Variants in DNAH12 observed in about 807,000 individuals in gnomAD.
DNAH12 encodes axonemal beta dynein heavy chain 12.
In DNAH12, 285 loss-of-function variants were observed where a neutral mutation model predicts 371.5. The ratio of observed to expected loss-of-function variants is 0.77; its 90% CI spans 0.70 to 0.85. DNAH12 has a LOEUF of 0.85. Ranked by LOEUF, DNAH12 falls within the 40% of genes least tolerant of loss-of-function variation. The probability of loss-of-function intolerance (pLI) is 0.00; values close to 1 mark genes in which losing one functional copy is unlikely to be tolerated. For synonymous variants in DNAH12, 1,200 were observed against 1,213.0 expected, an observed-to-expected ratio of 0.99 and a Z score of 0.22; for missense variants, 3,611 against 3,689.4, an observed-to-expected ratio of 0.98 and a Z score of 0.55.
Position 57,310,792 on chromosome 3 carries a change from A to G in DNAH12, c.10821T>C (p.His3607=). 1 of 1,551,660 alleles carries G rather than the reference A, an allele frequency of 6.4e-7. No individual in the cohort carries two copies. The highest frequency in any genetic ancestry group is 8.7e-7 in the Non-Finnish European group (1 of 1,146,978). The change falls in exon 67 of 74, where the codon CAT becomes CAC. Residue 3607 remains histidine (H), a synonymous_variant. Transcript: ENST00000495027. ...AGTTTCCACTGGGAGAAAACTTATA[A>G]TGAGGGTTTTCAACTATGTACAGAT... The part of the protein sequence containing the change: ...FYNLYIVENP[H]YKFSPSGNYF...
At chr3:57,313,609 T>C (rs2061625152) in intron 66 of DNAH12, among the ~76,000 whole-genome samples, 1 of 152,134 alleles carries the variant, frequency 6.6e-6, no homozygotes, top group African/African-American at 2.4e-5. Flanking sequence ...GCAGAGATCA[T>C]GCCACTGCAC....
rs756139735 is a variant in DNAH12 at position 57,502,405 on chromosome 3, G to A, written c.1161C>T (p.His387=). 2.1e-5 allele frequency: 34 copies of A among 1,614,042 alleles called. No individual in the cohort carries two copies. Among genetic ancestry groups the A allele is most frequent in the Non-Finnish European group, 2.6e-5 (31 of 1,180,030 alleles). The change falls in exon 10 of 74, where the codon CAC becomes CAT. Residue 387 remains histidine (H), a synonymous_variant. Coordinates refer to ENST00000495027, the MANE Select transcript of DNAH12 (RefSeq NM_001366028.2). The part of the protein sequence containing the change: ...PVNLDTELPE[H]VLHWAVDTLK... ...GTGTATCAACAGCCCAGTGTAACAC[G>A]TGTTCAGGAAGTTCTGTGTCAAGAT...
intron 70 of DNAH12, chr3:57,297,446 C>A: frequency 6.4e-6 from 1 of 156,902 alleles, no homozygotes; most frequent in Non-Finnish European, 1.4e-5. Context: ...GCCTCTGCCT[C>A]CTGGGTTCGA....
At chr3:57,448,082 T>G (rs1244973189) in intron 25 of DNAH12, among the ~76,000 whole-genome samples, 1 of 152,228 alleles carries the variant, frequency 6.6e-6, no homozygotes, top group African/African-American at 2.4e-5. Flanking sequence ...TTCACAAACA[T>G]GTTCCCTTTA....
intron 4 of DNAH12, among the ~76,000 whole-genome samples, chr3:57,522,119 G>A (rs925795711): frequency 2.0e-5 from 3 of 152,094 alleles, no homozygotes; most frequent in African/African-American, 7.2e-5. Context: ...AGCTACTCAG[G>A]AGGCTGAGGC....
intron 8 of DNAH12, among the ~76,000 whole-genome samples, chr3:57,506,656 G>A (rs1366739106): frequency 3.3e-5 from 5 of 152,062 alleles, no homozygotes; most frequent in Non-Finnish European, 7.4e-5. Flanking sequence ...TGGCCAGGCT[G>A]GTCTTGAACT....
chr3:57,426,828 G>GAAAAAAAAAA (rs559705189), intron 34 of DNAH12, among the ~76,000 whole-genome samples: 1 of 92,962 alleles, frequency 1.1e-5, no homozygotes, highest in Non-Finnish European at 2.2e-5. Context: ...GACTGTCTCA[G>GAAAAAAAAAA]AAAAAAAAAA....
intron 67 of DNAH12, 151 bp downstream of exon 67, chr3:57,310,566 C>G: frequency 1.5e-6 from 1 of 667,856 alleles, no homozygotes; most frequent in East Asian, 2.8e-5. Flanking sequence ...TCAAACTTTT[C>G]TAATTTTCAG....
rs938413749 is a variant in DNAH12, at chr3:57,381,701, A to G, written c.7992+561T>C. Among the ~76,000 whole-genome samples the G allele has an allele frequency of 1.1e-3, 175 of 152,218 alleles. 1 individual carries two copies. The highest frequency in any genetic ancestry group is 1.2e-3 in the Non-Finnish European group (79 of 67,998). On this transcript the variant is annotated intron_variant, in intron 50 of 73. Transcript: ENST00000495027. ...TACAGACATTCTAGCTCCAGGGCAC[A>G]TGCTTTTAACAACTTTGCTATACTG... is the stretch of plus-strand genomic sequence containing the variant.
intron 60 of DNAH12, among the ~76,000 whole-genome samples, chr3:57,342,044 G>T (rs1320833560): frequency 6.6e-6 from 1 of 152,018 alleles, no homozygotes; most frequent in Non-Finnish European, 1.5e-5. Flanking sequence ...AATGGTTCTG[G>T]GGAAAATTGG....
At chr3:57,512,468 CATATACTA>C (rs2068033953) in intron 4 of DNAH12, 1 of 152,148 alleles carries the variant, frequency 6.6e-6, no homozygotes, top group Admixed American at 6.6e-5. Context: ...TTTGGCAGCA[CATATACTA>C]AAATTGGAAT....
intron 32 of DNAH12, 67 bp from the exon 33 acceptor site, chr3:57,429,841 C>G (rs561448070): frequency 2.2e-6 from 3 of 1,339,216 alleles, no homozygotes; most frequent in Admixed American, 3.0e-5. Flanking sequence ...AAAATTTATA[C>G]TATGTATAAA....
chr3:57,404,534 G>A (rs2063966449), intron 42 of DNAH12, among the ~76,000 whole-genome samples: 1 of 151,882 alleles, frequency 6.6e-6, no homozygotes. Context: ...TGGCCAGTAT[G>A]GTGAAACCCC....
intron 60 of DNAH12, among the ~76,000 whole-genome samples, chr3:57,344,093 G>A (rs576855291): frequency 2.0e-5 from 3 of 152,248 alleles, no homozygotes; most frequent in Non-Finnish European, 2.9e-5. Flanking sequence ...GCTGAGTACC[G>A]GTCCCCTGGA....
intron 69 of DNAH12, among the ~76,000 whole-genome samples, chr3:57,306,774 T>C (rs1229520082): frequency 6.6e-6 from 1 of 152,114 alleles, no homozygotes; most frequent in Non-Finnish European, 1.5e-5. Context: ...AATTCCCCCA[T>C]TTTACCTGTC....
At position 57,523,976 on chromosome 3, in the gene DNAH12, A is replaced by C. The variant is rs189912846; in HGVS notation, c.171-92T>G. On this transcript the variant is annotated intron_variant, in intron 2 of 73. Coordinates refer to ENST00000495027, the MANE Select transcript of DNAH12 (RefSeq NM_001366028.2). ...TTTAAGCATTTTTCCAACTATACTAAGAGATATTCAAGAGTTATCTTACTG... is the reference window on the plus strand; with the variant it reads ...TTTAAGCATTTTTCCAACTATACTACGAGATATTCAAGAGTTATCTTACTG... The C allele has an allele frequency of 9.2e-5, 77 of 835,172 alleles. 1 individual carries two copies. In the Admixed American group the frequency reaches 1.6e-3, roughly 18 times the overall value. 51.7% of individuals were successfully genotyped at this position (835,172 alleles called of 1,614,324 possible). A position where few individuals can be genotyped will look rare whatever the true frequency, so the allele number is the denominator to read the frequency against.
Position 57,502,360 on chromosome 3 carries a change from C to T in DNAH12, c.1206G>A (p.Arg402=), listed in dbSNP as rs141849816. 2,324 of 1,614,124 alleles carry T rather than the reference C, an allele frequency of 1.4e-3. 3 individuals carry two copies. Among genetic ancestry groups the T allele is most frequent in the Non-Finnish European group, 1.9e-3 (2,245 of 1,180,016 alleles). The change falls in exon 10 of 74, where the codon CGG becomes CGA. Residue 402 remains arginine, a synonymous_variant. Transcript: ENST00000495027. ...AVDTLKAAVH[R]NLEGARKHYE... ...AATGCTTTCTTGCACCTTCTAAGTT[C>T]CGATGTACTGCTGCCTTCAGTGTAT...
intron 2 of DNAH12, among the ~76,000 whole-genome samples, chr3:57,528,304 A>C (rs2068720049): frequency 6.6e-6 from 1 of 151,808 alleles, no homozygotes; most frequent in South Asian, 2.1e-4. Flanking sequence ...CTGGGATTAC[A>C]GGCGTGAGCC....
At chr3:57,297,815 C>T (rs993059794) in intron 70 of DNAH12, among the ~76,000 whole-genome samples, 2 of 152,090 alleles carry the variant, frequency 1.3e-5, no homozygotes, top group African/African-American at 2.4e-5. Flanking sequence ...TATAACTCAC[C>T]GTGCAGAATT....
Sources: gnomAD v4.1 joint callset for allele counts (sites outside exome capture counted in the v4.1 genomes callset) on GRCh38, gnomAD v4.1.1 for gene constraint, MANE v1.5 for transcripts, NCBI Gene and HGNC (gene_info 2026-07-23, HGNC 2026-07-21) for gene names.